Variants in EGF observed in about 807,000 individuals in gnomAD.
The protein encoded by EGF is epidermal growth factor, also known as pro-epidermal growth factor.
In EGF, 95 loss-of-function variants were observed where a neutral mutation model predicts 143.8. That is an observed-to-expected ratio of 0.66 (90% confidence interval 0.56 to 0.78). The LOEUF (loss-of-function observed/expected upper bound fraction) is 0.78, where lower values mean the gene tolerates loss of function less well. Ranked by LOEUF, EGF falls within the 30% of genes least tolerant of loss-of-function variation. The pLI is 0.00. For missense variants in EGF, 1,320 were observed against 1,470.9 expected, an observed-to-expected ratio of 0.90 and a Z score of 1.68; for synonymous variants, 510 against 510.5, an observed-to-expected ratio of 1.00 and a Z score of 0.01.
intron 1 of EGF, among the ~76,000 whole-genome samples, chr4:109,931,618 A>G (rs1238812258): frequency 1.3e-5 from 2 of 152,176 alleles, no homozygotes; most frequent in African/African-American, 2.4e-5. Flanking sequence ...TTCCTGGTTC[A>G]CCAAGACCTG....
In EGF at chr4:110,013,651, G is replaced by A. The variant is rs536299911; in HGVS notation, c.*2196G>A. ...ATACTTTTCCTCCCTAACTCTCATC[G>A]TCTCATTGCGCGCAACGCCTGATTG... On this transcript the variant is annotated 3_prime_UTR_variant, in exon 24 of 24. Coordinates refer to ENST00000265171, the MANE Select transcript of EGF (RefSeq NM_001963.6). Among the ~76,000 whole-genome samples, 7 of 151,832 alleles carry A rather than the reference G, an allele frequency of 4.6e-5. No individual in the cohort carries two copies. The highest frequency in any genetic ancestry group is 2.1e-4 in the South Asian group (1 of 4,794).
intron 22 of EGF, among the ~76,000 whole-genome samples, chr4:110,004,987 T>C (rs1753062037): frequency 6.6e-6 from 1 of 151,768 alleles, no homozygotes; most frequent in Admixed American, 6.6e-5. Flanking sequence ...AAGATTGTGC[T>C]TCTAATTTAT....
At chr4:109,995,229 T>C (rs977431686) in intron 20 of EGF, among the ~76,000 whole-genome samples, 2 of 152,212 alleles carry the variant, frequency 1.3e-5, no homozygotes, top group African/African-American at 4.8e-5. Flanking sequence ...TTTTTTTCCA[T>C]CAAATGTGCT....
At chr4:109,999,015 G>C (rs1012247325) in intron 20 of EGF, among the ~76,000 whole-genome samples, 1 of 152,206 alleles carries the variant, frequency 6.6e-6, no homozygotes, top group Admixed American at 6.5e-5. Flanking sequence ...TCACTCTAGT[G>C]ACAGTTTCAC....
chr4:109,997,016 G>C (rs549893707), intron 20 of EGF, among the ~76,000 whole-genome samples: 1 of 151,432 alleles, frequency 6.6e-6, no homozygotes, highest in Non-Finnish European at 1.5e-5. Flanking sequence ...TTTTTTTCAG[G>C]AGACCATCGT....
At chr4:109,921,123 G>A (rs945790452) in intron 1 of EGF, among the ~76,000 whole-genome samples, 3 of 151,538 alleles carry the variant, frequency 2.0e-5, no homozygotes, top group Non-Finnish European at 4.4e-5. Context: ...GTTTTATATG[G>A]CCAAAGTTAA....
chr4:110,007,632 C>T (rs1753478070), intron 22 of EGF, among the ~76,000 whole-genome samples: 1 of 152,124 alleles, frequency 6.6e-6, no homozygotes, highest in African/African-American at 2.4e-5. Context: ...AATTCTAGGT[C>T]CCTAGGCTGT....
chr4:109,946,598 C>A (rs1279243024), intron 5 of EGF, among the ~76,000 whole-genome samples: 1 of 152,178 alleles, frequency 6.6e-6, no homozygotes, highest in Non-Finnish European at 1.5e-5. Flanking sequence ...GGTGTAACTA[C>A]ATACTCATTT....
At chr4:109,951,315 G>A (rs899361457) in intron 5 of EGF, among the ~76,000 whole-genome samples, 1 of 151,936 alleles carries the variant, frequency 6.6e-6, no homozygotes, top group Admixed American at 6.6e-5. Context: ...CCAAGATCAG[G>A]CCACTGCACT....
Position 109,913,108 on chromosome 4 carries a change from G to C in EGF, c.-228G>C, listed in dbSNP as rs1052738578. On this transcript the variant is annotated 5_prime_UTR_variant, in exon 1 of 24. Transcript: ENST00000265171. ...TCTTACTGGCTTCCAAAGAAACATA[G>C]ATAAAGAAATCTTTCCTGTGGCTTC... 8.5e-5 allele frequency: 42 copies of C among 495,428 alleles called. No homozygotes were observed. Among genetic ancestry groups the C allele is most frequent in the Admixed American group, 2.6e-4 (8 of 30,466 alleles). 30.7% of individuals were successfully genotyped at this position (495,428 alleles called of 1,614,324 possible).
chr4:109,992,367 A>T (rs1363254352), intron 18 of EGF: 1 of 152,148 alleles, frequency 6.6e-6, no homozygotes, highest in Non-Finnish European at 1.5e-5. Context: ...GGAATGATAC[A>T]GAGAAGATTA....
intron 9 of EGF, among the ~76,000 whole-genome samples, chr4:109,964,067 G>A (rs947523452): frequency 1.3e-5 from 2 of 152,152 alleles, no homozygotes; most frequent in African/African-American, 4.8e-5. Context: ...TAGTGTTTCA[G>A]TATGTGTGAA....
rs1741851939 is a variant in EGF, at chr4:109,941,088, G to A, written c.270G>A (p.Trp90Ter). Reference sequence around the variant, plus strand: ...ATTATAATGAGAAAAGAATCTATTGGGTGGATTTAGAAAGACAACTTTTGC... The same window carrying A: ...ATTATAATGAGAAAAGAATCTATTGAGTGGATTTAGAAAGACAACTTTTGC... The part of the protein sequence containing the change: ...DFHYNEKRIY[W>*]VDLERQLLQR... Residue 90 changes from tryptophan to a stop codon, truncating the protein, a stop_gained, in exon 2 of 24, where the codon TGG becomes TGA. Coordinates refer to ENST00000265171, the MANE Select transcript of EGF (RefSeq NM_001963.6). LOFTEE classifies it high-confidence loss of function. The A allele has an allele frequency of 6.2e-7, 1 of 1,613,758 alleles. No homozygotes were observed. The highest frequency in any genetic ancestry group is 1.7e-5 in the Admixed American group (1 of 59,970).
chr4:109,929,297 T>G (rs1739280051), intron 1 of EGF, among the ~76,000 whole-genome samples: 1 of 152,194 alleles, frequency 6.6e-6, no homozygotes, highest in Non-Finnish European at 1.5e-5. Context: ...AGTTAACTGC[T>G]TGAAACTTTC....
At chr4:109,919,836 G>A (rs1737464012) in intron 1 of EGF, among the ~76,000 whole-genome samples, 1 of 151,482 alleles carries the variant, frequency 6.6e-6, no homozygotes, top group Non-Finnish European at 1.5e-5. Flanking sequence ...GTGGTGGCAT[G>A]GTCCAAAAAA....
At chr4:109,976,948 A>G (rs1246326807) in intron 13 of EGF, among the ~76,000 whole-genome samples, 1 of 152,212 alleles carries the variant, frequency 6.6e-6, no homozygotes, top group Non-Finnish European at 1.5e-5. Context: ...TGTATATGTT[A>G]AGATTGGCAT....
Position 109,987,834 on chromosome 4 carries a change from T to G in EGF, c.2582T>G (p.Phe861Cys). Residue 861 changes from phenylalanine (F) to cysteine (C), a missense_variant, in exon 17 of 24, where the codon TTT becomes TGT. This residue lies in a region of EGF where 1,186 missense variants were observed against 1,313.7 expected (regional missense o/e 0.90). Transcript: ENST00000265171. ...GCCACATGTCAGTGTTTGAAAGGAT[T>G]TGCTGGGGATGGAAAACTATGTTCT... ...EDATCQCLKG[F>C]AGDGKLCSDI... is the part of the protein sequence containing the mutation. 10 of 1,613,832 alleles carry G rather than the reference T, an allele frequency of 6.2e-6. No individual in the cohort carries two copies. Among genetic ancestry groups the G allele is most frequent in the Non-Finnish European group, 8.5e-6 (10 of 1,179,798 alleles).
At chr4:109,924,610 T>A (rs1738330493) in intron 1 of EGF, among the ~76,000 whole-genome samples, 1 of 152,144 alleles carries the variant, frequency 6.6e-6, no homozygotes, top group Admixed American at 6.5e-5. Flanking sequence ...GACTTACAGA[T>A]CCTCTTATTT....
intron 5 of EGF, 43 bp downstream of exon 5, chr4:109,945,318 C>T (rs1742652568): frequency 1.3e-6 from 2 of 1,586,594 alleles, no homozygotes; most frequent in Non-Finnish European, 1.7e-6. Flanking sequence ...CACATAGTTC[C>T]CACCCATTCA....
Sources: gnomAD v4.1 joint callset for allele counts (sites outside exome capture counted in the v4.1 genomes callset) on GRCh38, gnomAD v4.1.1 for gene constraint, gnomAD v4.1.1 regional missense constraint, MANE v1.5 for transcripts, NCBI Gene and HGNC (gene_info 2026-07-23, HGNC 2026-07-21) for gene names.